Variants in PARP8 observed in about 807,000 individuals in gnomAD.
PARP8 encodes protein mono-ADP-ribosyltransferase PARP8.
PARP8 carries 51 observed loss-of-function variants against 124.1 expected under a neutral mutation model. The ratio of observed to expected loss-of-function variants is 0.41; its 90% CI spans 0.33 to 0.52. The LOEUF (loss-of-function observed/expected upper bound fraction) is 0.52. PARP8 is among the 20% of genes least tolerant of loss of function. PARP8 has a pLI of 0.21. For synonymous variants in PARP8, 391 were observed against 361.5 expected (o/e 1.08, Z -0.93); for missense variants, 860 against 1,018.9 (o/e 0.84, Z 2.12).
chr5:50,826,009 T>A (rs1746307498), intron 18 of PARP8, among the ~76,000 whole-genome samples: 1 of 152,174 alleles, frequency 6.6e-6, no homozygotes, highest in Non-Finnish European at 1.5e-5. Context: ...AAAATAACAC[T>A]AAATTTCCAT....
At chr5:50,830,006 A>G (rs1411326284) in intron 22 of PARP8, 45 bp downstream of exon 22, 4 of 1,589,748 alleles carry the variant, frequency 2.5e-6, no homozygotes, top group South Asian at 1.1e-5. Flanking sequence ...ATTAGGTTTT[A>G]ATTTTCTTAT....
chr5:50,726,328 A>G (rs1756426650), intron 2 of PARP8, among the ~76,000 whole-genome samples: 1 of 152,164 alleles, frequency 6.6e-6, no homozygotes. Context: ...TTCAGTAAAA[A>G]TCTATCCAAT....
chr5:50,795,444 C>A lies in PARP8; in HGVS notation c.1428+27C>A, dbSNP rs769345787. ...TGCGTAAATATTTTCATCTTGAGTT[C>A]TTAAATGTTAGCTAAGGTGCAGTAG... is the stretch of plus-strand genomic sequence containing the variant. On this transcript the variant is annotated intron_variant, in intron 12 of 25. Transcript: ENST00000281631. 26 of 1,532,298 alleles carry A rather than the reference C, an allele frequency of 1.7e-5. No individual in the cohort carries two copies. The Middle Eastern group carries it at 5.2e-4, about 31-fold the overall frequency. 94.9% of individuals were successfully genotyped at this position (1,532,298 alleles called of 1,614,324 possible).
At chr5:50,735,305 G>A (rs1757365710) in intron 2 of PARP8, among the ~76,000 whole-genome samples, 1 of 152,078 alleles carries the variant, frequency 6.6e-6, no homozygotes, top group Non-Finnish European at 1.5e-5. Context: ...TTTTGGGCTT[G>A]TTGAATTATA....
intron 7 of PARP8, 97 bp from the exon 8 acceptor site, chr5:50,777,972 G>T (rs978174753): frequency 1.2e-5 from 10 of 862,772 alleles, no homozygotes; most frequent in Non-Finnish European, 1.8e-5. Context: ...TCAAGGATGA[G>T]AATTAGTGAT....
intron 2 of PARP8, among the ~76,000 whole-genome samples, chr5:50,681,763 C>A (rs1751319914): frequency 6.6e-6 from 1 of 152,128 alleles, no homozygotes; most frequent in Non-Finnish European, 1.5e-5. Context: ...CATTAATGCA[C>A]ATGAGTCATT....
At chr5:50,721,098 C>A (rs1364974185) in intron 2 of PARP8, among the ~76,000 whole-genome samples, 1 of 148,148 alleles carries the variant, frequency 6.8e-6, no homozygotes, top group Admixed American at 6.7e-5. Context: ...TTTTTTTTTA[C>A]CTTCCTTAGG....
At position 50,834,052 on chromosome 5, in the gene PARP8, A is replaced by G. The variant is rs1191037326; in HGVS notation, c.2377+4A>G. 1 of 1,609,242 alleles carries G rather than the reference A, an allele frequency of 6.2e-7. No homozygotes were observed. The highest frequency in any genetic ancestry group is 1.1e-5 in the South Asian group (1 of 90,778). On this transcript the variant is annotated splice_donor_region_variant and intron_variant, in intron 24 of 25. Coordinates refer to ENST00000281631, the MANE Select transcript of PARP8 (RefSeq NM_024615.4). ...AAATGCATAGCCTTATGTGAAGGTA[A>G]GTTGAAAGTTTTACAAACCTCATAG...
intron 22 of PARP8, among the ~76,000 whole-genome samples, chr5:50,831,200 A>C (rs1384453788): frequency 6.6e-6 from 1 of 152,232 alleles, no homozygotes; most frequent in Non-Finnish European, 1.5e-5. Context: ...TGAAAAATTA[A>C]AACATAATTA....
chr5:50,676,844 A>C (rs919201363), intron 2 of PARP8, among the ~76,000 whole-genome samples: 8 of 152,096 alleles, frequency 5.3e-5, no homozygotes, highest in African/African-American at 1.9e-4. Flanking sequence ...CGGGAAGCAA[A>C]CCCCTTTTTT....
intron 7 of PARP8, among the ~76,000 whole-genome samples, chr5:50,777,699 A>G (rs1236344301): frequency 6.6e-6 from 1 of 152,180 alleles, no homozygotes; most frequent in African/African-American, 2.4e-5. Context: ...TCCTCATGTC[A>G]TCAACTCCTT....
chr5:50,754,831 C>T (rs1759734974), intron 3 of PARP8, among the ~76,000 whole-genome samples: 1 of 152,156 alleles, frequency 6.6e-6, no homozygotes, highest in Non-Finnish European at 1.5e-5. Context: ...TTCTCCACAT[C>T]CTCTCCAGCA....
At position 50,843,239 on chromosome 5, in the gene PARP8, CA is replaced by C. The variant is rs1337594587; in HGVS notation, c.*1173del. The C allele has an allele frequency of 6.6e-6, 1 of 151,590 alleles. No homozygotes were observed. The highest frequency in any genetic ancestry group is 1.9e-4 in the East Asian group (1 of 5,162). The allele number at this position is 151,590 out of a possible 1,614,324, so 9.4% of individuals were successfully genotyped here. A position where few individuals can be genotyped will look rare whatever the true frequency, so the allele number is the denominator to read the frequency against. Reference sequence around the variant, plus strand: ...TTTGAGTCCTAGAGTTCTTATTCATCAAGTTTTAATTGACAGTGTTTATTTT... The same window carrying C: ...TTTGAGTCCTAGAGTTCTTATTCATCAGTTTTAATTGACAGTGTTTATTTT... On this transcript the variant is annotated 3_prime_UTR_variant, in exon 26 of 26. Coordinates refer to ENST00000281631, the MANE Select transcript of PARP8 (RefSeq NM_024615.4).
chr5:50,763,102 A>G (rs1245570044), intron 6 of PARP8, 46 bp from the exon 7 acceptor site: 3 of 1,481,090 alleles, frequency 2.0e-6, no homozygotes, highest in African/African-American at 2.8e-5. Context: ...TAAGTTTTTG[A>G]TTCTGTTCAC....
At chr5:50,686,285 T>C (rs1201101471) in intron 2 of PARP8, among the ~76,000 whole-genome samples, 1 of 152,232 alleles carries the variant, frequency 6.6e-6, no homozygotes, top group Non-Finnish European at 1.5e-5. Context: ...CAGTTAAATC[T>C]TAAAGCTCCA....
At chr5:50,721,022 C>G (rs1222322482) in intron 2 of PARP8, among the ~76,000 whole-genome samples, 1 of 151,834 alleles carries the variant, frequency 6.6e-6, no homozygotes, top group Non-Finnish European at 1.5e-5. Flanking sequence ...TCTGATACAT[C>G]TCCTGTGTCC....
Position 50,846,439 on chromosome 5 carries a change from C to T in PARP8, c.*4371C>T, listed in dbSNP as rs1748620292. On this transcript the variant is annotated 3_prime_UTR_variant, in exon 26 of 26. Coordinates refer to ENST00000281631, the MANE Select transcript of PARP8 (RefSeq NM_024615.4). ...TTGCTTTCTATTGCTACTAAAGCCT[C>T]TTTTATCCAGCTTTGTAATAGTTCC... 1 of 151,852 alleles carries T rather than the reference C, an allele frequency of 6.6e-6. No homozygotes were observed. The highest frequency in any genetic ancestry group is 1.9e-4 in the East Asian group (1 of 5,158). 9.4% of individuals were successfully genotyped at this position (151,852 alleles called of 1,614,324 possible).
intron 22 of PARP8, among the ~76,000 whole-genome samples, chr5:50,830,432 G>A (rs1746818881): frequency 6.6e-6 from 1 of 152,172 alleles, no homozygotes; most frequent in African/African-American, 2.4e-5. Context: ...TGGTGAGATT[G>A]TGGGAAAAAA....
chr5:50,706,560 C>G (rs957892854), intron 2 of PARP8, among the ~76,000 whole-genome samples: 3 of 152,040 alleles, frequency 2.0e-5, no homozygotes, highest in Non-Finnish European at 4.4e-5. Context: ...GATTTGAGTT[C>G]AAGATCTTCA....
Sources: gnomAD v4.1 joint callset for allele counts (sites outside exome capture counted in the v4.1 genomes callset) on GRCh38, gnomAD v4.1.1 for gene constraint, MANE v1.5 for transcripts, NCBI Gene and HGNC (gene_info 2026-07-23, HGNC 2026-07-21) for gene names.